VTA1: variants seen among roughly 807,000 people sequenced by gnomAD.
The protein encoded by VTA1 is vacuolar protein sorting-associated protein VTA1 homolog.
Under a neutral mutation model 36.9 loss-of-function variants are expected in VTA1, and 24 were observed. The observed-to-expected ratio is 0.65, with a 90% confidence interval of 0.47 to 0.91. VTA1 has a LOEUF of 0.91. Ranked by LOEUF, VTA1 falls within the 40% of genes least tolerant of loss-of-function variation. The pLI, the probability that VTA1 is intolerant of heterozygous loss-of-function variation, is 0.00. For synonymous variants in VTA1, 142 were observed against 130.2 expected (o/e 1.09, Z -0.62); for missense variants, 393 against 377.2 (o/e 1.04, Z -0.35).
At chr6:142,202,328 A>G (rs965923465) in intron 6 of VTA1, among the ~76,000 whole-genome samples, 2 of 151,950 alleles carry the variant, frequency 1.3e-5, no homozygotes, top group African/African-American at 4.8e-5. Context: ...TTGCATTTAT[A>G]CTTTTATACA....
intron 4 of VTA1, among the ~76,000 whole-genome samples, chr6:142,179,080 CT>C (rs964636096): frequency 6.6e-6 from 1 of 151,796 alleles, no homozygotes; most frequent in African/African-American, 2.4e-5. Flanking sequence ...AACTTTCAAA[CT>C]ATATGAAACA....
intron 4 of VTA1, among the ~76,000 whole-genome samples, chr6:142,171,321 C>A (rs902509357): frequency 6.6e-6 from 1 of 151,988 alleles, no homozygotes; most frequent in African/African-American, 2.4e-5. Context: ...TTTTGAACTC[C>A]TGACCTCAGG....
At chr6:142,207,912 T>C (rs1775825671) in intron 7 of VTA1, among the ~76,000 whole-genome samples, 1 of 151,812 alleles carries the variant, frequency 6.6e-6, no homozygotes, top group Non-Finnish European at 1.5e-5. Flanking sequence ...GGCGAAACCC[T>C]GTCTCTACTG....
chr6:142,199,116 A>C (rs903355602), intron 6 of VTA1, among the ~76,000 whole-genome samples: 3 of 150,828 alleles, frequency 2.0e-5, no homozygotes, highest in African/African-American at 7.3e-5. Flanking sequence ...GAAATCATAG[A>C]CAGGTGAAAG....
intron 7 of VTA1, among the ~76,000 whole-genome samples, chr6:142,207,931 A>G (rs1775826130): frequency 6.6e-6 from 1 of 151,734 alleles, no homozygotes; most frequent in South Asian, 2.1e-4. Context: ...TGAAAATACA[A>G]AAAAAATTAG....
chr6:142,198,916 C>G (rs1775623507), intron 6 of VTA1: 1 of 192,794 alleles, frequency 5.2e-6, no homozygotes, highest in Non-Finnish European at 1.1e-5. Context: ...CTTCTCTTCC[C>G]TTTCTTTTCC....
rs1419909299 is a variant in VTA1, at chr6:142,222,311, GAGA to G, written c.*3676_*3678del. 4.6e-5 allele frequency: 7 copies of G among 152,162 alleles called. No individual in the cohort carries two copies. Among genetic ancestry groups the G allele is most frequent in the East Asian group, 1.9e-4 (1 of 5,184 alleles). 9.4% of individuals were successfully genotyped at this position (152,162 alleles called of 1,614,324 possible). On this transcript the variant is annotated 3_prime_UTR_variant, in exon 8 of 8. Transcript: ENST00000367630. ...CGGTGTTTTGTCAATGCGGCAGAGG[GAGA>G]AGAAGAAATAAGGTTCTGCTGACAA...
At chr6:142,153,747 A>T (rs1778610774) in intron 1 of VTA1, among the ~76,000 whole-genome samples, 1 of 152,128 alleles carries the variant, frequency 6.6e-6, no homozygotes, top group Admixed American at 6.5e-5. Context: ...GCAAAATAGT[A>T]AATTCTCTCA....
intron 4 of VTA1, among the ~76,000 whole-genome samples, chr6:142,188,225 CTTTTTTTTTTTTTTTTTTT>C (rs200348683): frequency 1.3e-5 from 1 of 78,928 alleles, no homozygotes; most frequent in African/African-American, 4.9e-5. Context: ...TTCTTTATTT[CTTTTTTTTTTTTTTTTTTT>C]TTTTTTTTTG....
At chr6:142,210,483 G>GA (rs1775882810) in intron 7 of VTA1, among the ~76,000 whole-genome samples, 1 of 152,090 alleles carries the variant, frequency 6.6e-6, no homozygotes, top group South Asian at 2.1e-4. Context: ...TCAACAAAGT[G>GA]AAAAGACAAC....
chr6:142,188,939 TAA>T (rs976460101), intron 4 of VTA1, among the ~76,000 whole-genome samples: 17 of 152,212 alleles, frequency 1.1e-4, no homozygotes, highest in Admixed American at 8.5e-4. Context: ...TGTGACTAGT[TAA>T]AAAGTCAGGT....
chr6:142,195,429 T>C (rs1436148270), intron 5 of VTA1, among the ~76,000 whole-genome samples: 1 of 151,926 alleles, frequency 6.6e-6, no homozygotes, highest in Non-Finnish European at 1.5e-5. Context: ...TATCACCTCC[T>C]TCATTTCTCA....
intron 5 of VTA1, among the ~76,000 whole-genome samples, chr6:142,189,948 G>A (rs758386178): frequency 7.9e-5 from 12 of 151,980 alleles, no homozygotes; most frequent in Non-Finnish European, 1.8e-4. Flanking sequence ...TAGTAGAGAC[G>A]GGGTTTCACT....
Position 142,170,371 on chromosome 6 carries a change from G to T in VTA1, c.361G>T (p.Ala121Ser). Residue 121 changes from alanine to serine, a missense_variant, in exon 4 of 8, where the codon GCA becomes TCA. Coordinates refer to ENST00000367630, the MANE Select transcript of VTA1 (RefSeq NM_016485.5). ...HKNMIKSFYT[A>S]SLLIDVITVF... ...AAACATGATCAAGTCCTTCTATACT[G>T]CAAGTCTTTTGATAGATGTCATAAC... The T allele has an allele frequency of 1.9e-6, 3 of 1,608,472 alleles. No individual in the cohort carries two copies. The South Asian group carries it at 3.3e-5, about 18-fold the overall frequency.
At chr6:142,175,711 A>G (rs1173105566) in intron 4 of VTA1, among the ~76,000 whole-genome samples, 10 of 152,070 alleles carry the variant, frequency 6.6e-5, no homozygotes, top group Non-Finnish European at 1.3e-4. Context: ...ATTTTATTTC[A>G]TAACTTTTCT....
rs562362501 is a variant in VTA1 at position 142,221,040 on chromosome 6, T to C, written c.*2397T>C. On this transcript the variant is annotated 3_prime_UTR_variant, in exon 8 of 8. Coordinates refer to ENST00000367630, the MANE Select transcript of VTA1 (RefSeq NM_016485.5). ...ACTCTAGGGATGGGTCCCAGCCTTC[T>C]GAGTTTTAAGAGACACTTAAGGTGG... The C allele has an allele frequency of 4.6e-5, 7 of 152,196 alleles. No individual in the cohort carries two copies. Among genetic ancestry groups the C allele is most frequent in the African/African-American group, 1.2e-4 (5 of 41,444 alleles). The allele number at this position is 152,196 out of a possible 1,614,324, so 9.4% of individuals were successfully genotyped here.
chr6:142,179,001 A>G (rs545178613), intron 4 of VTA1, among the ~76,000 whole-genome samples: 50 of 152,248 alleles, frequency 3.3e-4, no homozygotes, highest in African/African-American at 1.2e-3. Flanking sequence ...AAAAGGGGCC[A>G]TTTTATAATA....
chr6:142,198,539 C>G lies in VTA1; in HGVS notation c.621C>G (p.Gly207=). Residue 207 remains glycine (G), a synonymous_variant, in exon 6 of 8, where the codon GGC becomes GGG. Transcript: ENST00000367630. ...STYDPSNMPS[G]NYTGIQIPPG... ...ATGACCCAAGCAACATGCCATCAGG[C>G]AACTATACTGGAATACAGATTCCTC... 1.9e-6 allele frequency: 3 copies of G among 1,614,106 alleles called. No individual in the cohort carries two copies. The South Asian group carries it at 3.3e-5, about 18-fold the overall frequency.
At chr6:142,202,815 A>G (rs1775715808) in intron 6 of VTA1, among the ~76,000 whole-genome samples, 1 of 151,952 alleles carries the variant, frequency 6.6e-6, no homozygotes. Flanking sequence ...TTTGTACTAT[A>G]TAAAATTTGT....
Sources: allele counts gnomAD v4.1 joint callset (sites outside exome capture counted in the v4.1 genomes callset), GRCh38; gene constraint gnomAD v4.1.1; transcripts MANE v1.5; gene names NCBI Gene and HGNC (gene_info 2026-07-23, HGNC 2026-07-21).